KATNA1: variants seen among roughly 807,000 people sequenced by gnomAD.
KATNA1 encodes the protein katanin p60 ATPase-containing subunit A1.
KATNA1 carries 42 observed loss-of-function variants against 62.6 expected under a neutral mutation model. The observed-to-expected ratio is 0.67, with a 90% CI of 0.52 to 0.87. The LOEUF is 0.87. Ranked by LOEUF, KATNA1 falls within the 40% of genes least tolerant of loss-of-function variation. The pLI, the probability that KATNA1 is intolerant of heterozygous loss-of-function variation, is 0.00. For synonymous variants in KATNA1, 186 were observed against 201.9 expected, an observed-to-expected ratio of 0.92 and a Z score of 0.67; for missense variants, 498 against 612.5, an observed-to-expected ratio of 0.81 and a Z score of 1.97.
chr6:149,641,039 T>G (rs1461810479), intron 1 of KATNA1, among the ~76,000 whole-genome samples: 1 of 151,238 alleles, frequency 6.6e-6, no homozygotes, highest in Non-Finnish European at 1.5e-5. Context: ...CCTGGCTAAT[T>G]TTGTATTTTT....
intron 6 of KATNA1, among the ~76,000 whole-genome samples, chr6:149,602,719 T>G (rs931028737): frequency 5.3e-5 from 8 of 150,464 alleles, no homozygotes; most frequent in Non-Finnish European, 1.2e-4. Context: ...GGGTGAATTC[T>G]AATTTTTTTT....
chr6:149,596,226 G>A (rs1348454034), intron 10 of KATNA1, among the ~76,000 whole-genome samples: 2 of 152,170 alleles, frequency 1.3e-5, no homozygotes, highest in Non-Finnish European at 2.9e-5. Flanking sequence ...ACCAGAATTT[G>A]TGACCCTGAC....
intron 1 of KATNA1, among the ~76,000 whole-genome samples, chr6:149,641,766 A>G (rs1277956722): frequency 6.6e-6 from 1 of 152,264 alleles, no homozygotes. Context: ...ACATTAATGG[A>G]CAAAAGTACC....
chr6:149,606,394 G>A (rs149209639), intron 4 of KATNA1, among the ~76,000 whole-genome samples: 62 of 152,162 alleles, frequency 4.1e-4, no homozygotes, highest in Non-Finnish European at 5.6e-4. Flanking sequence ...TTTTTCTGCC[G>A]TACTAAGATT....
chr6:149,597,990 CA>C, intron 8 of KATNA1: 1 of 509,654 alleles, frequency 2.0e-6, no homozygotes, highest in Non-Finnish European at 3.4e-6. Context: ...TTGTATATAC[CA>C]AAAGGGTGCC....
At chr6:149,599,155 C>T (rs1432095483) in intron 7 of KATNA1, among the ~76,000 whole-genome samples, 3 of 152,006 alleles carry the variant, frequency 2.0e-5, no homozygotes, top group Non-Finnish European at 4.4e-5. Flanking sequence ...AGCCACTGTA[C>T]CTAGTGGGAT....
At chr6:149,623,875 T>C (rs1779505369) in intron 3 of KATNA1, among the ~76,000 whole-genome samples, 1 of 152,204 alleles carries the variant, frequency 6.6e-6, no homozygotes, top group Non-Finnish European at 1.5e-5. Context: ...AATTGTTGTA[T>C]ATCAAAGATG....
At chr6:149,614,076 T>C (rs2115104361) in intron 4 of KATNA1, among the ~76,000 whole-genome samples, 1 of 152,300 alleles carries the variant, frequency 6.6e-6, no homozygotes, top group East Asian at 1.9e-4. Context: ...TCTTTATAGA[T>C]TACCCAGTCT....
intron 3 of KATNA1, among the ~76,000 whole-genome samples, chr6:149,625,374 A>G (rs1033451712): frequency 3.9e-5 from 6 of 152,204 alleles, no homozygotes; most frequent in African/African-American, 1.4e-4. Flanking sequence ...GTGGCTCACA[A>G]TCCCAGCAAT....
In KATNA1 at chr6:149,601,608, G is replaced by A. The variant is rs1359341099; in HGVS notation, c.874C>T (p.Leu292Phe). ...CAAACATTCACCATTTCAAACAGAA[G>A]ACGAACAAGCTTCTCAGATTCTCCT... ...YRGESEKLVR[L>F]LFEMARFYSP... is the part of the protein sequence containing the mutation. The change falls in exon 7 of 11, where the codon CTT (leucine) becomes TTT (phenylalanine). Residue 292 changes from leucine to phenylalanine, a missense_variant. Physicochemically the swap from Leu to Phe is conservative, Grantham distance 22. This residue lies in a region of KATNA1 where 267 missense variants were observed against 372.6 expected (regional missense o/e 0.72). Coordinates refer to ENST00000367411, the MANE Select transcript of KATNA1 (RefSeq NM_007044.4). 1 of 1,606,920 alleles carries A rather than the reference G, an allele frequency of 6.2e-7. No homozygotes were observed. Among genetic ancestry groups the A allele is most frequent in the Non-Finnish European group, 8.5e-7 (1 of 1,177,466 alleles).
chr6:149,646,516 T>C (rs1162552311), intron 1 of KATNA1, among the ~76,000 whole-genome samples: 1 of 152,196 alleles, frequency 6.6e-6, no homozygotes, highest in East Asian at 1.9e-4. Flanking sequence ...TGCTAATTTA[T>C]AGTCAGCCAC....
chr6:149,635,751 TTTTACCACAATAAGAAAATG>T (rs932491752), intron 2 of KATNA1, among the ~76,000 whole-genome samples: 3 of 147,564 alleles, frequency 2.0e-5, no homozygotes, highest in Admixed American at 1.4e-4. Flanking sequence ...GTTATGTATA[TTTTACCACAATAAGAAAATG>T]GTAGGCCAGG....
intron 4 of KATNA1, among the ~76,000 whole-genome samples, chr6:149,616,952 A>G (rs1388523467): frequency 6.6e-6 from 1 of 152,212 alleles, no homozygotes; most frequent in African/African-American, 2.4e-5. Flanking sequence ...TGAAATATAT[A>G]TGCAATGGAA....
intron 1 of KATNA1, among the ~76,000 whole-genome samples, chr6:149,645,864 C>G (rs1228732239): frequency 6.6e-6 from 1 of 151,866 alleles, no homozygotes; most frequent in Non-Finnish European, 1.5e-5. Context: ...TGCTGTCTCT[C>G]CACAGAGAAA....
intron 3 of KATNA1, among the ~76,000 whole-genome samples, chr6:149,627,306 A>T (rs1274415761): frequency 1.3e-5 from 2 of 151,848 alleles, no homozygotes; most frequent in African/African-American, 4.9e-5. Flanking sequence ...AGGCAGGTGG[A>T]TCACTTGAGG....
intron 3 of KATNA1, among the ~76,000 whole-genome samples, chr6:149,626,016 G>A (rs1779590683): frequency 6.6e-6 from 1 of 151,944 alleles, no homozygotes; most frequent in African/African-American, 2.4e-5. Flanking sequence ...TAACGTGTAT[G>A]TGAAGCAATG....
intron 7 of KATNA1, among the ~76,000 whole-genome samples, chr6:149,598,737 G>A (rs1778421649): frequency 8.0e-6 from 1 of 125,068 alleles, no homozygotes; most frequent in Non-Finnish European, 1.7e-5. Context: ...AAAACAAGAG[G>A]AAAGAAAGAA....
chr6:149,636,286 A>G (rs979679823), intron 2 of KATNA1, among the ~76,000 whole-genome samples: 4 of 151,960 alleles, frequency 2.6e-5, no homozygotes, highest in South Asian at 2.1e-4. Flanking sequence ...TAAAATATTT[A>G]CTAGGCCGAG....
chr6:149,604,754 G>T lies in KATNA1; in HGVS notation c.530C>A (p.Pro177Gln). ...KNKSPAAVTE[P>Q]ETNKFDSTGY... ...GGTACTATCAAATTTATTTGTCTCT[G>T]GTTCTGTTACTGCAGCAGGTGATTT... Residue 177 changes from proline to glutamine, a missense_variant, in exon 5 of 11, where the codon CCA becomes CAA. By Grantham distance (76) the Pro-to-Gln change is moderately conservative. Around this residue, in one of 3 missense-constraint regions of KATNA1, gnomAD observed 203 missense variants for 198.4 expected, o/e 1.02. Coordinates refer to ENST00000367411, the MANE Select transcript of KATNA1 (RefSeq NM_007044.4). 1 of 1,613,244 alleles carries T rather than the reference G, an allele frequency of 6.2e-7. No individual in the cohort carries two copies. Among genetic ancestry groups the T allele is most frequent in the Non-Finnish European group, 8.5e-7 (1 of 1,179,276 alleles).
Sources: allele counts gnomAD v4.1 joint callset (sites outside exome capture counted in the v4.1 genomes callset), GRCh38; gene constraint gnomAD v4.1.1; regional missense constraint gnomAD v4.1.1; transcripts MANE v1.5; gene names NCBI Gene and HGNC (gene_info 2026-07-23, HGNC 2026-07-21).